FSHR: variants seen among roughly 807,000 people sequenced by gnomAD.
The protein encoded by FSHR is follicle-stimulating hormone receptor.
In FSHR, 46 loss-of-function variants were observed where a neutral mutation model predicts 52.1. The ratio of observed to expected loss-of-function variants is 0.88; its 90% CI spans 0.70 to 1.13. FSHR has a LOEUF of 1.13. FSHR is among the 50% of genes most tolerant of loss of function. The pLI, the probability that FSHR is intolerant of heterozygous loss-of-function variation, is 0.00. For missense variants in FSHR, 964 were observed against 834.6 expected (o/e 1.16, Z -1.91); for synonymous variants, 399 against 309.6 (o/e 1.29, Z -3.03).
chr2:49,142,327 T>C (rs1435575836), intron 1 of FSHR, among the ~76,000 whole-genome samples: 1 of 152,046 alleles, frequency 6.6e-6, no homozygotes, highest in Non-Finnish European at 1.5e-5. Flanking sequence ...ACTGAAAAGA[T>C]GAAAAGTCAT....
At chr2:49,001,320 C>G (rs1175415539) in intron 4 of FSHR, among the ~76,000 whole-genome samples, 2 of 151,998 alleles carry the variant, frequency 1.3e-5, no homozygotes, top group Non-Finnish European at 2.9e-5. Flanking sequence ...TGTAGCTTGT[C>G]TGATAGAAAG....
At chr2:49,075,110 C>T (rs1038999105) in intron 1 of FSHR, among the ~76,000 whole-genome samples, 1 of 152,072 alleles carries the variant, frequency 6.6e-6, no homozygotes, top group African/African-American at 2.4e-5. Flanking sequence ...GAAGAATAAT[C>T]TCTAGTGTTC....
At chr2:49,050,466 C>G (rs1668814174) in intron 2 of FSHR, among the ~76,000 whole-genome samples, 1 of 152,146 alleles carries the variant, frequency 6.6e-6, no homozygotes, top group African/African-American at 2.4e-5. Flanking sequence ...TAAATGTCAC[C>G]AAAGGAAGCT....
chr2:49,116,745 G>C (rs1023864072), intron 1 of FSHR, among the ~76,000 whole-genome samples: 5 of 152,092 alleles, frequency 3.3e-5, no homozygotes, highest in Admixed American at 3.3e-4. Flanking sequence ...CAAATAATGG[G>C]GTACAATATG....
rs577513558 is a variant in FSHR at position 49,129,915 on chromosome 2, T to C, written c.152+24351A>G. Among the ~76,000 whole-genome samples the C allele has an allele frequency of 6.6e-5, 10 of 152,310 alleles. No individual in the cohort carries two copies. The South Asian group carries it at 2.1e-3, about 32-fold the overall frequency. On this transcript the variant is annotated intron_variant, in intron 1 of 9. Transcript: ENST00000406846. The stretch of plus-strand genomic sequence containing the variant: ...TTGAGTTCAGGAAATTAGGACAATT[T>C]ATAATTTCAGGTTTTTCAGAGGGAG...
intron 2 of FSHR, among the ~76,000 whole-genome samples, chr2:49,050,309 A>C (rs1668807436): frequency 6.6e-6 from 1 of 152,138 alleles, no homozygotes; most frequent in African/African-American, 2.4e-5. Context: ...TTTACCCAGA[A>C]ATGAGTTTGC....
At chr2:49,055,052 T>C (rs886827756) in intron 2 of FSHR, among the ~76,000 whole-genome samples, 2 of 151,620 alleles carry the variant, frequency 1.3e-5, no homozygotes, top group African/African-American at 4.9e-5. Flanking sequence ...AAGAAATATA[T>C]AAAATGCCAG....
At chr2:48,990,012 C>T (rs917590755) in intron 5 of FSHR, among the ~76,000 whole-genome samples, 6 of 152,190 alleles carry the variant, frequency 3.9e-5, no homozygotes, top group Admixed American at 3.3e-4. Flanking sequence ...TAGCTCCTTA[C>T]ACCCCTTCCC....
intron 4 of FSHR, among the ~76,000 whole-genome samples, chr2:49,006,959 G>C (rs148630388): frequency 1.3e-5 from 2 of 152,194 alleles, no homozygotes; most frequent in African/African-American, 4.8e-5. Flanking sequence ...TGCCCTTATA[G>C]AGCTTACATT....
intron 4 of FSHR, among the ~76,000 whole-genome samples, chr2:49,003,251 A>T (rs1283651270): frequency 6.6e-6 from 1 of 152,244 alleles, no homozygotes; most frequent in East Asian, 1.9e-4. Flanking sequence ...TCTCTACCCA[A>T]ACAAAAAGGT....
chr2:49,030,291 TG>T (rs1668055216), intron 2 of FSHR, among the ~76,000 whole-genome samples: 1 of 112,878 alleles, frequency 8.9e-6, no homozygotes, highest in Non-Finnish European at 2.0e-5. Flanking sequence ...TGTGTGTGTG[TG>T]TGTGTGTGTG....
chr2:49,042,035 T>G (rs1204971803), intron 2 of FSHR, among the ~76,000 whole-genome samples: 1 of 152,082 alleles, frequency 6.6e-6, no homozygotes. Context: ...TCCCAGGTAC[T>G]TGGGAGGCTG....
In FSHR at chr2:49,127,849, TC is replaced by T. The variant is rs1558456826; in HGVS notation, c.152+26416del. Among the ~76,000 whole-genome samples, 106 of 25,524 alleles carry T rather than the reference TC, an allele frequency of 4.2e-3. 6 individuals carry two copies. The highest frequency in any genetic ancestry group is 0.024 in the African/African-American group (73 of 3,096). The allele number at this position is 25,524 out of a possible 152,430, so 16.7% of individuals were successfully genotyped here. ...TTCTTCCTCTTCTTCTTCTTCTTCT[TC>T]TTCTTCTTCTTCTTCTTCTTCTTCT... On this transcript the variant is annotated intron_variant, in intron 1 of 9. Coordinates refer to ENST00000406846, the MANE Select transcript of FSHR (RefSeq NM_000145.4).
At chr2:48,998,987 C>T (rs1559118841) in intron 4 of FSHR, among the ~76,000 whole-genome samples, 1 of 152,094 alleles carries the variant, frequency 6.6e-6, no homozygotes, top group East Asian at 1.9e-4. Context: ...TCTACTTTAT[C>T]AATAAACTTA....
chr2:49,078,127 C>T lies in FSHR; in HGVS notation c.153-9837G>A, dbSNP rs1002836991. The stretch of plus-strand genomic sequence containing the variant: ...GCTGCTGATAAAGACATTTCTGAGA[C>T]TGGGCAATTTACAAAAGAAAGAGAT... On this transcript the variant is annotated intron_variant, in intron 1 of 9. Transcript: ENST00000406846. Among the ~76,000 whole-genome samples the T allele has an allele frequency of 1.2e-4, 19 of 152,266 alleles. No homozygotes were observed. In the East Asian group the frequency reaches 1.4e-3, roughly 11 times the overall value.
intron 1 of FSHR, among the ~76,000 whole-genome samples, chr2:49,133,270 C>T (rs1572790057): frequency 1.3e-5 from 2 of 152,326 alleles, no homozygotes; most frequent in South Asian, 2.1e-4. Context: ...AAGCAAGGCT[C>T]TACCTTGACC....
In FSHR at chr2:49,057,643, A is replaced by T. The variant is rs540124646; in HGVS notation, c.224+10576T>A. On this transcript the variant is annotated intron_variant, in intron 2 of 9. Coordinates refer to ENST00000406846, the MANE Select transcript of FSHR (RefSeq NM_000145.4). ...CAATTCTTCTCAAATGATTCTGAAA[A>T]TTGAAGCAGAAGGAACTCTTTCTAA... 1.3e-3 allele frequency among the ~76,000 whole-genome samples: 204 copies of T among 152,338 alleles called. 1 individual carries two copies. The Middle Eastern group carries it at 0.014, about 10-fold the overall frequency.
chr2:49,113,107 A>G (rs918296064), intron 1 of FSHR, among the ~76,000 whole-genome samples: 40 of 152,158 alleles, frequency 2.6e-4, no homozygotes, highest in Non-Finnish European at 1.5e-5. Context: ...AGAGGTGAAG[A>G]TGGAGACAAT....
intron 8 of FSHR, among the ~76,000 whole-genome samples, chr2:48,972,389 C>T (rs1180679611): frequency 6.6e-6 from 1 of 152,146 alleles, no homozygotes; most frequent in African/African-American, 2.4e-5. Flanking sequence ...GATTTGGGGT[C>T]CCTGGAGATC....
Sources: gnomAD v4.1 joint callset for allele counts (sites outside exome capture counted in the v4.1 genomes callset) on GRCh38, gnomAD v4.1.1 for gene constraint, MANE v1.5 for transcripts, NCBI Gene and HGNC (gene_info 2026-07-23, HGNC 2026-07-21) for gene names.